The following KLHL9 variants were observed in gnomAD, a reference collection of about 807,000 sequenced individuals.
KLHL9 encodes kelch like family member 9, also known as kelch-like protein 9.
A neutral mutation model predicts 42.3 loss-of-function variants in KLHL9; 27 were observed. That is an observed-to-expected ratio of 0.64 (90% CI 0.47 to 0.88). KLHL9 has a LOEUF of 0.88. Among genes scored for constraint, KLHL9 ranks in the 40% least tolerant of loss-of-function variants. The probability of loss-of-function intolerance (pLI) is 0.00; values close to 1 mark genes in which losing one functional copy is unlikely to be tolerated. For missense variants in KLHL9, 629 were observed against 750.3 expected (o/e 0.84, Z 1.89); for synonymous variants, 274 against 254.4 (o/e 1.08, Z -0.73).
chr9:21,335,276 G>A lies in KLHL9; in HGVS notation c.-417C>T. 1 of 443,304 alleles carries A rather than the reference G, an allele frequency of 2.3e-6. No homozygotes were observed. Among genetic ancestry groups the A allele is most frequent in the East Asian group, 3.4e-5 (1 of 29,490 alleles). 27.5% of individuals were successfully genotyped at this position (443,304 alleles called of 1,614,324 possible). On this transcript the variant is annotated 5_prime_UTR_variant, in exon 1 of 1. Transcript: ENST00000359039. ...CGCCCTCCGCTGTACCTAGAGTGTC[G>A]CAGCGGCCACCGGCCTGTCTTTGAG... is the stretch of plus-strand genomic sequence containing the variant.
rs1820190127 is a variant in KLHL9 at position 21,332,478 on chromosome 9, C to G, written c.*528G>C. 6.4e-6 allele frequency: 1 copy of G among 157,078 alleles called. No homozygotes were observed. Among genetic ancestry groups the G allele is most frequent in the African/African-American group, 2.4e-5 (1 of 41,458 alleles). 9.7% of individuals were successfully genotyped at this position (157,078 alleles called of 1,614,324 possible). A position where few individuals can be genotyped will look rare whatever the true frequency, so the allele number is the denominator to read the frequency against. ...TCGCTCTAGAGAGAGATACCAAATACTGGCTTGGTGCTATACTGTTTTTTC... is the reference window on the plus strand; with the variant it reads ...TCGCTCTAGAGAGAGATACCAAATAGTGGCTTGGTGCTATACTGTTTTTTC... On this transcript the variant is annotated 3_prime_UTR_variant, in exon 1 of 1. Transcript: ENST00000359039.
At position 21,331,287 on chromosome 9, in the gene KLHL9, T is replaced by C. The variant is rs985006320; in HGVS notation, c.*1719A>G. On this transcript the variant is annotated 3_prime_UTR_variant, in exon 1 of 1. Transcript: ENST00000359039. ...TTTTTAGTAATAAAAAACTGAGTAATTAAAAAAACATAGAAAGTATGAAAA... is the reference window on the plus strand; with the variant it reads ...TTTTTAGTAATAAAAAACTGAGTAACTAAAAAAACATAGAAAGTATGAAAA... 1.3e-5 allele frequency: 2 copies of C among 152,538 alleles called. No individual in the cohort carries two copies. The highest frequency in any genetic ancestry group is 1.3e-4 in the Admixed American group (2 of 15,278). The allele number at this position is 152,538 out of a possible 1,614,324, so 9.4% of individuals were successfully genotyped here.
At position 21,335,119 on chromosome 9, in the gene KLHL9, G is replaced by C. The variant is rs1393579174; in HGVS notation, c.-260C>G. On this transcript the variant is annotated 5_prime_UTR_variant, in exon 1 of 1. Coordinates refer to ENST00000359039, the MANE Select transcript of KLHL9 (RefSeq NM_018847.4). ...CACCTGAAGGCGGTTAAATGACCTG[G>C]TTCACCTCGTCCGGCCTGCGCTGCC... 3 of 546,890 alleles carry C rather than the reference G, an allele frequency of 5.5e-6. No homozygotes were observed. The highest frequency in any genetic ancestry group is 3.8e-5 in the African/African-American group (2 of 52,200). The allele number at this position is 546,890 out of a possible 1,614,324, so 33.9% of individuals were successfully genotyped here.
In KLHL9 at chr9:21,333,649, A is replaced by G; in HGVS notation, c.1211T>C (p.Val404Ala). The change falls in exon 1 of 1, where the codon GTT (valine) becomes GCT (alanine). Residue 404 changes from valine to alanine, a missense_variant. Physicochemically the swap from Val to Ala is moderately conservative, Grantham distance 64. This residue lies in a region of KLHL9 where 214 missense variants were observed against 305.8 expected (regional missense o/e 0.70). Transcript: ENST00000359039. This position sits in a 1 kb window ranked among gnomAD's most constrained non-coding sequence, Gnocchi z 7.5. ...LSALKGHLYA[V>A]GGRSAAGELA... ...TTCACCAGCTGCACTGCGCCCACCA[A>G]CTGCATACAAATGTCCTTTGAGGGC... 2 of 1,614,222 alleles carry G rather than the reference A, an allele frequency of 1.2e-6. No homozygotes were observed. Among genetic ancestry groups the G allele is most frequent in the South Asian group, 1.1e-5 (1 of 91,078 alleles).
chr9:21,331,709 T>G lies in KLHL9; in HGVS notation c.*1297A>C, dbSNP rs1459490659. 2.0e-5 allele frequency: 3 copies of G among 152,408 alleles called. No individual in the cohort carries two copies. Among genetic ancestry groups the G allele is most frequent in the African/African-American group, 7.2e-5 (3 of 41,456 alleles). The allele number at this position is 152,408 out of a possible 1,614,324, so 9.4% of individuals were successfully genotyped here. A position where few individuals can be genotyped will look rare whatever the true frequency, so the allele number is the denominator to read the frequency against. ...AGAGGCTGAGGGTTGATTTTAGTAC[T>G]GCTTGTAAGACCATAGTGTTCCAGA... On this transcript the variant is annotated 3_prime_UTR_variant, in exon 1 of 1. Coordinates refer to ENST00000359039, the MANE Select transcript of KLHL9 (RefSeq NM_018847.4).
At position 21,333,939 on chromosome 9, in the gene KLHL9, C is replaced by G; in HGVS notation, c.921G>C (p.Leu307Phe). Reference protein sequence around the residue: ...STHLVTLGGVLRQQLVVSKEL... With the variant: ...STHLVTLGGVFRQQLVVSKEL... ...CTTTACTGACAACCAGCTGCTGCCTCAAAACTCCTCCTAATGTAACCAAGT... is the reference window on the plus strand; with the variant it reads ...CTTTACTGACAACCAGCTGCTGCCTGAAAACTCCTCCTAATGTAACCAAGT... The change falls in exon 1 of 1, where the codon TTG becomes TTC. Residue 307 changes from leucine to phenylalanine, a missense_variant. Around this residue, in one of 4 missense-constraint regions of KLHL9, gnomAD observed 214 missense variants for 305.8 expected, o/e 0.70. Coordinates refer to ENST00000359039, the MANE Select transcript of KLHL9 (RefSeq NM_018847.4). This position sits in a 1 kb window ranked among gnomAD's most constrained non-coding sequence, Gnocchi z 7.5. 6.2e-7 allele frequency: 1 copy of G among 1,614,200 alleles called. No homozygotes were observed. Among genetic ancestry groups the G allele is most frequent in the South Asian group, 1.1e-5 (1 of 91,078 alleles).
rs1181111903 is a variant in KLHL9 at position 21,335,301 on chromosome 9, G to A, written c.-442C>T. 1 of 437,566 alleles carries A rather than the reference G, an allele frequency of 2.3e-6. No homozygotes were observed. Among genetic ancestry groups the A allele is most frequent in the Non-Finnish European group, 4.2e-6 (1 of 239,382 alleles). 27.1% of individuals were successfully genotyped at this position (437,566 alleles called of 1,614,324 possible). ...GCAGCGGCCACCGGCCTGTCTTTGA[G>A]CAAGGGCCGGGAACACAGGCCTGGG... is the stretch of plus-strand genomic sequence containing the variant. On this transcript the variant is annotated 5_prime_UTR_variant, in exon 1 of 1. Transcript: ENST00000359039.
At position 21,333,609 on chromosome 9, in the gene KLHL9, T is replaced by C. The variant is rs751236400; in HGVS notation, c.1251A>G (p.Glu417=). ...ACTCATTCATTCTTGGGTTGTAACA[T>C]TCTACTGTGGCCAGTTCACCAGCTG... The part of the protein sequence containing the change: ...RSAAGELATV[E]CYNPRMNEWS... Residue 417 remains glutamate (E), a synonymous_variant, in exon 1 of 1, where the codon GAA becomes GAG. Coordinates refer to ENST00000359039, the MANE Select transcript of KLHL9 (RefSeq NM_018847.4). This position sits in a 1 kb window ranked among gnomAD's most constrained non-coding sequence, Gnocchi z 7.5. 13 of 1,614,220 alleles carry C rather than the reference T, an allele frequency of 8.1e-6. No individual in the cohort carries two copies. Among genetic ancestry groups the C allele is most frequent in the Non-Finnish European group, 1.0e-5 (12 of 1,180,034 alleles).
Position 21,335,379 on chromosome 9 carries a change from C to A in KLHL9, c.-520G>T. On this transcript the variant is annotated 5_prime_UTR_variant, in exon 1 of 1. Transcript: ENST00000359039. ...TAGCCCCAACACCGAGCCGCTCCTT[C>A]CGGAAAAGCCTAGTCCCAGGATACC... The A allele has an allele frequency of 2.4e-6, 1 of 412,420 alleles. No homozygotes were observed. Among genetic ancestry groups the A allele is most frequent in the Admixed American group, 4.4e-5 (1 of 22,862 alleles). 25.5% of individuals were successfully genotyped at this position (412,420 alleles called of 1,614,324 possible). A position where few individuals can be genotyped will look rare whatever the true frequency, so the allele number is the denominator to read the frequency against.
In KLHL9 at chr9:21,335,265, C is replaced by T. The variant is rs960061134; in HGVS notation, c.-406G>A. On this transcript the variant is annotated 5_prime_UTR_variant, in exon 1 of 1. Coordinates refer to ENST00000359039, the MANE Select transcript of KLHL9 (RefSeq NM_018847.4). ...ACGGCCCGCTGCGCCCTCCGCTGTA[C>T]CTAGAGTGTCGCAGCGGCCACCGGC... 86 of 458,432 alleles carry T rather than the reference C, an allele frequency of 1.9e-4. No individual in the cohort carries two copies. Among genetic ancestry groups the T allele is most frequent in the Non-Finnish European group, 6.0e-5 (15 of 251,888 alleles). 28.4% of individuals were successfully genotyped at this position (458,432 alleles called of 1,614,324 possible).
rs368659358 is a variant in KLHL9, at chr9:21,333,815, G to C, written c.1045C>G (p.Leu349Val). 1 of 1,613,840 alleles carries C rather than the reference G, an allele frequency of 6.2e-7. No homozygotes were observed. Among genetic ancestry groups the C allele is most frequent in the Non-Finnish European group, 8.5e-7 (1 of 1,180,038 alleles). Residue 349 changes from leucine to valine, a missense_variant, in exon 1 of 1, where the codon CTT (leucine) becomes GTT (valine). Leu to Val is a conservative substitution (Grantham distance 32). Transcript: ENST00000359039. The surrounding 1 kb of genome is among the most constrained non-coding windows in gnomAD (Gnocchi z 7.5). ...QHGIAVIGNF[L>V]YVVGGQSNYD... ...TTACTCTGACCACCAACTACATAAA[G>C]AAAGTTTCCAATGACAGCAATACCA...
rs1428103146 is a variant in KLHL9 at position 21,334,244 on chromosome 9, T to C, written c.616A>G (p.Ser206Gly). Residue 206 changes from serine (S) to glycine (G), a missense_variant, in exon 1 of 1, where the codon AGT (serine) becomes GGT (glycine). Transcript: ENST00000359039. The surrounding 1 kb of genome is among the most constrained non-coding windows in gnomAD (Gnocchi z 5.1). ...ERLAFVLSSN[S>G]LKHCTELELF... The stretch of plus-strand genomic sequence containing the variant: ...TCAAGTTCGGTACAGTGCTTAAGAC[T>C]ATTACTGGAAAGCACAAATGCAAGT... 4 of 1,614,076 alleles carry C rather than the reference T, an allele frequency of 2.5e-6. No individual in the cohort carries two copies. The highest frequency in any genetic ancestry group is 1.7e-5 in the Admixed American group (1 of 60,008).
At position 21,334,931 on chromosome 9, in the gene KLHL9, C is replaced by T; in HGVS notation, c.-72G>A. Reference sequence around the variant, plus strand: ...TATAACCGGAATGTTTTACAGGTAACGAGGTGTCCAGAAAGAACAGAAAGC... The same window carrying T: ...TATAACCGGAATGTTTTACAGGTAATGAGGTGTCCAGAAAGAACAGAAAGC... On this transcript the variant is annotated 5_prime_UTR_variant, in exon 1 of 1. Transcript: ENST00000359039. The surrounding 1 kb of genome is among the most constrained non-coding windows in gnomAD (Gnocchi z 5.1). 1.9e-6 allele frequency: 3 copies of T among 1,592,862 alleles called. No individual in the cohort carries two copies. Among genetic ancestry groups the T allele is most frequent in the Non-Finnish European group, 2.6e-6 (3 of 1,171,990 alleles).
rs1820169238 is a variant in KLHL9 at position 21,331,468 on chromosome 9, G to A, written c.*1538C>T. ...GGAGAAAGTTGTTCCTGATTTACAT[G>A]CTGACAATCTTCCAGGTATAGGGGG... On this transcript the variant is annotated 3_prime_UTR_variant, in exon 1 of 1. Transcript: ENST00000359039. 6.6e-6 allele frequency: 1 copy of A among 150,418 alleles called. No homozygotes were observed. Among genetic ancestry groups the A allele is most frequent in the East Asian group, 2.0e-4 (1 of 5,026 alleles). The allele number at this position is 150,418 out of a possible 1,614,324, so 9.3% of individuals were successfully genotyped here. A position where few individuals can be genotyped will look rare whatever the true frequency, so the allele number is the denominator to read the frequency against.
In KLHL9 at chr9:21,333,365, C is replaced by A; in HGVS notation, c.1495G>T (p.Gly499Cys). The A allele has an allele frequency of 6.2e-7, 1 of 1,614,182 alleles. No individual in the cohort carries two copies. The highest frequency in any genetic ancestry group is 8.5e-7 in the Non-Finnish European group (1 of 1,180,030). ...CTVGDKLYVI[G>C]GNHFRGTSDY... ...CTTGTTCCTCTGAAGTGATTGCCAC[C>A]AATGACATAGAGCTTATCTCCAACT... Residue 499 changes from glycine (G) to cysteine (C), a missense_variant, in exon 1 of 1, where the codon GGT (glycine) becomes TGT (cysteine). By Grantham distance (159) the Gly-to-Cys change is radical (BLOSUM62 -3). This residue lies in a region of KLHL9 where 214 missense variants were observed against 305.8 expected (regional missense o/e 0.70). Coordinates refer to ENST00000359039, the MANE Select transcript of KLHL9 (RefSeq NM_018847.4). This position sits in a 1 kb window ranked among gnomAD's most constrained non-coding sequence, Gnocchi z 7.5.
rs1820166880 is a variant in KLHL9, at chr9:21,331,343, T to C, written c.*1663A>G. The C allele has an allele frequency of 6.6e-6, 1 of 152,590 alleles. No individual in the cohort carries two copies. The highest frequency in any genetic ancestry group is 2.1e-4 in the South Asian group (1 of 4,828). The allele number at this position is 152,590 out of a possible 1,614,324, so 9.5% of individuals were successfully genotyped here. A position where few individuals can be genotyped will look rare whatever the true frequency, so the allele number is the denominator to read the frequency against. On this transcript the variant is annotated 3_prime_UTR_variant, in exon 1 of 1. Transcript: ENST00000359039. ...GCCAATGCAGAAATCATAAACAGCA[T>C]TAAAATGAATCAACACTTGTATGGG...
Position 21,334,472 on chromosome 9 carries a change from T to C in KLHL9, c.388A>G (p.Ser130Gly), listed in dbSNP as rs543765672. The change falls in exon 1 of 1, where the codon AGC (serine) becomes GGC (glycine). Residue 130 changes from serine (S) to glycine (G), a missense_variant. Around this residue, in one of 4 missense-constraint regions of KLHL9, gnomAD observed 351 missense variants for 363.1 expected, o/e 0.97. Transcript: ENST00000359039. This position sits in a 1 kb window ranked among gnomAD's most constrained non-coding sequence, Gnocchi z 5.1. ...AAAACGGGTAATATTTGTAAAAAGC[T>C]AGCAGCTTCAAGTGTGTCCTGAAGA... ...DNLQDTLEAA[S>G]FLQILPVLDF... The C allele has an allele frequency of 6.2e-6, 10 of 1,613,852 alleles. No individual in the cohort carries two copies. Among genetic ancestry groups the C allele is most frequent in the South Asian group, 1.1e-5 (1 of 91,080 alleles).
Position 21,335,204 on chromosome 9 carries a change from C to T in KLHL9, c.-345G>A. 1 of 497,696 alleles carries T rather than the reference C, an allele frequency of 2.0e-6. No homozygotes were observed. The highest frequency in any genetic ancestry group is 3.6e-6 in the Non-Finnish European group (1 of 275,520). 30.8% of individuals were successfully genotyped at this position (497,696 alleles called of 1,614,324 possible). A position where few individuals can be genotyped will look rare whatever the true frequency, so the allele number is the denominator to read the frequency against. On this transcript the variant is annotated 5_prime_UTR_variant, in exon 1 of 1. The change creates a new upstream start codon in the 5' untranslated region. Coordinates refer to ENST00000359039, the MANE Select transcript of KLHL9 (RefSeq NM_018847.4). ...GGCGCCGCCACGTACTGTGGCTCCA[C>T]GGCCCGCTCGGCGGCGGGTCCGGAC...
Position 21,331,072 on chromosome 9 carries a change from A to C in KLHL9, c.*1934T>G, listed in dbSNP as rs2133026919. On this transcript the variant is annotated 3_prime_UTR_variant, in exon 1 of 1. Transcript: ENST00000359039. The stretch of plus-strand genomic sequence containing the variant: ...AGAGATCCTATAACTTGATACGAAA[A>C]ACAAAGCAACTCCAACAGATAACAG... The C allele has an allele frequency of 6.5e-6, 1 of 152,772 alleles. No individual in the cohort carries two copies. The highest frequency in any genetic ancestry group is 6.5e-5 in the Admixed American group (1 of 15,302). 9.5% of individuals were successfully genotyped at this position (152,772 alleles called of 1,614,324 possible).
Sources: allele counts gnomAD v4.1 joint callset, GRCh38; gene constraint gnomAD v4.1.1; regional missense constraint gnomAD v4.1.1; non-coding constraint Gnocchi (gnomAD v3.1); transcripts MANE v1.5; gene names NCBI Gene and HGNC (gene_info 2026-07-23, HGNC 2026-07-21).